Variants in CCND3 observed in about 807,000 individuals in gnomAD.
CCND3 encodes cyclin D3.
In CCND3, 9 loss-of-function variants were observed where a neutral mutation model predicts 28.7. The observed-to-expected ratio is 0.31, with a 90% CI of 0.19 to 0.55. The LOEUF (loss-of-function observed/expected upper bound fraction) is 0.55, where lower values mean the gene tolerates loss of function less well. Ranked by LOEUF, CCND3 falls within the 20% of genes least tolerant of loss-of-function variation. The pLI is 0.93. For synonymous variants in CCND3, 164 were observed against 163.9 expected, an observed-to-expected ratio of 1.00 and a Z score of 0.00; for missense variants, 315 against 385.8, an observed-to-expected ratio of 0.82 and a Z score of 1.54.
rs377188844 is a variant in CCND3 at position 42,016,593 on chromosome 6, C to CTTT, written c.-46+31905_-46+31907dup. ...TGTTAGCTGCTATTACTATCTATTA[C>CTTT]TTTTTTTTTTTTTTTTTGAGACGGA... On this transcript the variant is annotated intron_variant, in intron 1 of 4. Transcript: ENST00000372988. Among the ~76,000 whole-genome samples, 1,221 of 138,490 alleles carry CTTT rather than the reference C, an allele frequency of 8.8e-3. 48 individuals carry two copies. Among genetic ancestry groups the CTTT allele is most frequent in the Non-Finnish European group, 0.012 (764 of 64,972 alleles). 90.9% of individuals were successfully genotyped at this position (138,490 alleles called of 152,430 possible). A position where few individuals can be genotyped will look rare whatever the true frequency, so the allele number is the denominator to read the frequency against.
chr6:41,977,773 A>T (rs1012903748), intron 1 of CCND3, among the ~76,000 whole-genome samples: 16 of 152,208 alleles, frequency 1.1e-4, no homozygotes, highest in Non-Finnish European at 1.5e-5. Flanking sequence ...CGAATCGACC[A>T]TGAAGCCCTT....
At chr6:42,037,480 C>T (rs1156309917) in intron 1 of CCND3, among the ~76,000 whole-genome samples, 2 of 151,876 alleles carry the variant, frequency 1.3e-5, no homozygotes, top group Admixed American at 1.3e-4. Flanking sequence ...TGTGATCCGC[C>T]CGCCTCGGCC....
chr6:41,965,295 C>G (rs1761859562), intron 1 of CCND3, among the ~76,000 whole-genome samples: 1 of 152,042 alleles, frequency 6.6e-6, no homozygotes, highest in South Asian at 2.1e-4. Flanking sequence ...GTCTCGAACT[C>G]CTGACCTCGT....
intron 1 of CCND3, among the ~76,000 whole-genome samples, chr6:41,972,634 T>G (rs1434105744): frequency 2.0e-5 from 3 of 152,138 alleles, no homozygotes; most frequent in Non-Finnish European, 4.4e-5. Context: ...AAGTGCACAG[T>G]ACTGTGCTGA....
At chr6:41,978,287 T>G (rs1256147963) in intron 1 of CCND3, among the ~76,000 whole-genome samples, 1 of 150,270 alleles carries the variant, frequency 6.7e-6, no homozygotes, top group African/African-American at 2.5e-5. Context: ...GGCAGGAGGA[T>G]GGCATGAACC....
chr6:42,018,723 C>T (rs1763605012), intron 1 of CCND3, among the ~76,000 whole-genome samples: 1 of 151,702 alleles, frequency 6.6e-6, no homozygotes, highest in African/African-American at 2.4e-5. Context: ...GAAACCCCAT[C>T]TCTACTAAAA....
At chr6:42,028,770 C>G (rs935626478) in intron 1 of CCND3, among the ~76,000 whole-genome samples, 1 of 152,170 alleles carries the variant, frequency 6.6e-6, no homozygotes, top group African/African-American at 2.4e-5. Context: ...GATAACAGGG[C>G]TGTTGAGAAG....
chr6:41,992,042 C>A (rs1371931804), intron 1 of CCND3, among the ~76,000 whole-genome samples: 1 of 152,210 alleles, frequency 6.6e-6, no homozygotes, highest in Non-Finnish European at 1.5e-5. Flanking sequence ...GTCAATAGCG[C>A]TGCAATAAAT....
intron 1 of CCND3, among the ~76,000 whole-genome samples, chr6:41,958,000 CTT>C (rs536258560): frequency 7.9e-6 from 1 of 127,022 alleles, no homozygotes; most frequent in Non-Finnish European, 1.6e-5. Flanking sequence ...TTATCTTTAT[CTT>C]TTTTTTTTTT....
At chr6:41,983,154 G>C (rs1245872775) in intron 1 of CCND3, among the ~76,000 whole-genome samples, 3 of 152,126 alleles carry the variant, frequency 2.0e-5, no homozygotes, top group African/African-American at 4.8e-5. Context: ...AAGGCAGGCT[G>C]ATCACCTGAG....
chr6:41,954,174 C>G (rs1776380622), intron 1 of CCND3, among the ~76,000 whole-genome samples: 1 of 140,976 alleles, frequency 7.1e-6, no homozygotes, highest in Admixed American at 7.7e-5. Context: ...TCACTTGAAC[C>G]TGGGAGGCGG....
chr6:41,935,936 AG>A lies in CCND3; in HGVS notation c.*3del. On this transcript the variant is annotated 3_prime_UTR_variant, in exon 5 of 5. Coordinates refer to ENST00000372991, the MANE Select transcript of CCND3 (RefSeq NM_001760.5). ...AGTGGCCACTCCAGAGGGCCTCTCC[AG>A]GGCTACAGGTGTATGGCTGTGACAT... The A allele has an allele frequency of 3.1e-6, 5 of 1,606,832 alleles. No homozygotes were observed. The highest frequency in any genetic ancestry group is 4.2e-6 in the Non-Finnish European group (5 of 1,176,940).
At chr6:41,994,223 C>G (rs571694430) in intron 1 of CCND3, among the ~76,000 whole-genome samples, 5 of 151,988 alleles carry the variant, frequency 3.3e-5, no homozygotes, top group African/African-American at 1.2e-4. Flanking sequence ...GTACAGTAAC[C>G]TGCTATACAG....
At chr6:41,983,394 T>C (rs572871227) in intron 1 of CCND3, among the ~76,000 whole-genome samples, 34 of 151,596 alleles carry the variant, frequency 2.2e-4, no homozygotes, top group Admixed American at 2.2e-3. Flanking sequence ...AAGGTGTATG[T>C]TAGTGGTATA....
chr6:41,936,163 C>G lies in CCND3; in HGVS notation c.712-56G>C. 6.6e-7 allele frequency: 1 copy of G among 1,514,572 alleles called. No homozygotes were observed. The highest frequency in any genetic ancestry group is 8.9e-7 in the Non-Finnish European group (1 of 1,129,158). 93.8% of individuals were successfully genotyped at this position (1,514,572 alleles called of 1,614,324 possible). ...ACACTCCCCCCATAGCATCTGGCAG[C>G]AGGTGCAGGGGAAGGACAGCTCCCA... On this transcript the variant is annotated intron_variant, in intron 4 of 4. Transcript: ENST00000372991. This position sits in a 1 kb window ranked among gnomAD's most constrained non-coding sequence, Gnocchi z 4.4.
In CCND3 at chr6:41,935,624, G is replaced by T. The variant is rs1043512985; in HGVS notation, c.*316C>A. On this transcript the variant is annotated 3_prime_UTR_variant, in exon 5 of 5. Coordinates refer to ENST00000372991, the MANE Select transcript of CCND3 (RefSeq NM_001760.5). ...CATGAGAGCCCCCAGGGGTGGGGGG[G>T]GGCGTTCAAAAGGAATGCTGGTGTA... is the stretch of plus-strand genomic sequence containing the variant. 9 of 469,916 alleles carry T rather than the reference G, an allele frequency of 1.9e-5. No individual in the cohort carries two copies. The highest frequency in any genetic ancestry group is 3.0e-5 in the Non-Finnish European group (8 of 263,006). 29.1% of individuals were successfully genotyped at this position (469,916 alleles called of 1,614,324 possible).
In CCND3 at chr6:42,036,403, AT is replaced by A. The variant is rs57849655; in HGVS notation, c.-46+12097del. On this transcript the variant is annotated intron_variant, in intron 1 of 4. Transcript: ENST00000372988. ...TATATATATATATATATATATATAT[AT>A]TTTTTTTTTTTTTTTTTTTTTTTGA... Among the ~76,000 whole-genome samples the A allele has an allele frequency of 3.8e-3, 120 of 31,290 alleles. 1 individual carries two copies. Among genetic ancestry groups the A allele is most frequent in the African/African-American group, 0.012 (82 of 6,878 alleles). The allele number at this position is 31,290 out of a possible 152,430, so 20.5% of individuals were successfully genotyped here.
intron 1 of CCND3, among the ~76,000 whole-genome samples, chr6:42,035,832 A>C (rs1352181592): frequency 6.7e-6 from 1 of 149,500 alleles, no homozygotes; most frequent in Non-Finnish European, 1.5e-5. Context: ...CACCCGCCAC[A>C]ACGCCTGGCT....
intron 1 of CCND3, among the ~76,000 whole-genome samples, chr6:41,971,955 G>C (rs1439077258): frequency 6.6e-6 from 1 of 151,088 alleles, no homozygotes; most frequent in Non-Finnish European, 1.5e-5. Flanking sequence ...GCCGGGCGCA[G>C]TGGCTCACGC....
Sources: allele counts gnomAD v4.1 joint callset (sites outside exome capture counted in the v4.1 genomes callset), GRCh38; gene constraint gnomAD v4.1.1; non-coding constraint Gnocchi (gnomAD v3.1); transcripts MANE v1.5; gene names NCBI Gene and HGNC (gene_info 2026-07-23, HGNC 2026-07-21).